The following GRIK1 variants were observed in gnomAD, a reference collection of about 807,000 sequenced individuals.
The protein encoded by GRIK1 is glutamate ionotropic receptor kainate type subunit 1.
In GRIK1, 69 loss-of-function variants were observed where a neutral mutation model predicts 105.7. The observed-to-expected ratio is 0.65, with a 90% CI of 0.54 to 0.80. GRIK1 has a LOEUF of 0.80. Ranked by LOEUF, GRIK1 falls within the 30% of genes least tolerant of loss-of-function variation. The probability of loss-of-function intolerance (pLI) is 0.00; values close to 1 mark genes in which losing one functional copy is unlikely to be tolerated. For missense variants in GRIK1, 1,109 were observed against 1,167.3 expected (o/e 0.95, Z 0.73); for synonymous variants, 438 against 431.3 (o/e 1.02, Z -0.19).
At chr21:29,898,967 C>T (rs1041830720) in intron 1 of GRIK1, among the ~76,000 whole-genome samples, 6 of 142,516 alleles carry the variant, frequency 4.2e-5, no homozygotes, top group East Asian at 2.0e-4. Flanking sequence ...AGTGAAACTC[C>T]GTCTCAAAAA....
intron 7 of GRIK1, among the ~76,000 whole-genome samples, chr21:29,619,029 G>A (rs1358231094): frequency 1.3e-5 from 2 of 151,758 alleles, no homozygotes; most frequent in East Asian, 3.9e-4. Context: ...GGGAGGCTGA[G>A]GCAGGAGAAA....
At chr21:29,787,866 C>T (rs932369129) in intron 1 of GRIK1, among the ~76,000 whole-genome samples, 2 of 152,300 alleles carry the variant, frequency 1.3e-5, no homozygotes, top group East Asian at 3.9e-4. Flanking sequence ...TGGAAATTGA[C>T]AACAGGGTTT....
At chr21:29,676,740 A>C (rs1290893795) in intron 3 of GRIK1, among the ~76,000 whole-genome samples, 1 of 152,090 alleles carries the variant, frequency 6.6e-6, no homozygotes, top group East Asian at 1.9e-4. Context: ...AACCAGACAA[A>C]CCCAATAGAG....
intron 1 of GRIK1, among the ~76,000 whole-genome samples, chr21:29,769,586 G>C (rs112501282): frequency 6.6e-6 from 1 of 152,014 alleles, no homozygotes; most frequent in African/African-American, 2.4e-5. Flanking sequence ...TAATGTCCCC[G>C]CTGATCTGAC....
At chr21:29,875,361 T>C (rs1483324089) in intron 1 of GRIK1, among the ~76,000 whole-genome samples, 1 of 152,168 alleles carries the variant, frequency 6.6e-6, no homozygotes, top group Non-Finnish European at 1.5e-5. Flanking sequence ...CATCCTAGGA[T>C]ATAAGGGAGA....
intron 1 of GRIK1, among the ~76,000 whole-genome samples, chr21:29,779,124 A>G (rs1368999822): frequency 6.6e-6 from 1 of 152,232 alleles, no homozygotes; most frequent in East Asian, 1.9e-4. Flanking sequence ...GAAAAGAAAC[A>G]GAAATGTTCT....
intron 1 of GRIK1, among the ~76,000 whole-genome samples, chr21:29,893,890 G>C (rs1442467461): frequency 6.6e-6 from 1 of 152,194 alleles, no homozygotes; most frequent in Non-Finnish European, 1.5e-5. Context: ...AGTCACTTGA[G>C]AGGTGGCAGG....
chr21:29,779,341 T>C (rs201787850), intron 1 of GRIK1, among the ~76,000 whole-genome samples: 1 of 21,378 alleles, frequency 4.7e-5, no homozygotes, highest in African/African-American at 7.2e-5. Context: ...AGTGAGTGTG[T>C]GTGTGTGTGT....
chr21:29,563,539 A>G (rs916291471), intron 14 of GRIK1, among the ~76,000 whole-genome samples: 10 of 152,174 alleles, frequency 6.6e-5, no homozygotes, highest in African/African-American at 2.4e-4. Flanking sequence ...TCATGTCCCC[A>G]TAACAAAGGC....
At chr21:29,825,258 T>C (rs541364878) in intron 1 of GRIK1, among the ~76,000 whole-genome samples, 98 of 152,128 alleles carry the variant, frequency 6.4e-4, no homozygotes, top group Non-Finnish European at 1.3e-3. Context: ...AAAAGCAGGA[T>C]GGGGGAAGAC....
intron 3 of GRIK1, among the ~76,000 whole-genome samples, chr21:29,686,798 G>A (rs1052775485): frequency 6.6e-6 from 1 of 152,196 alleles, no homozygotes; most frequent in Non-Finnish European, 1.5e-5. Flanking sequence ...GATTGGCTTT[G>A]AGAAGGCAGA....
intron 1 of GRIK1, among the ~76,000 whole-genome samples, chr21:29,856,358 A>T (rs1406678409): frequency 6.6e-6 from 1 of 152,154 alleles, no homozygotes; most frequent in Non-Finnish European, 1.5e-5. Context: ...TTATGTTGAA[A>T]ACTTTGAGGA....
intron 7 of GRIK1, among the ~76,000 whole-genome samples, chr21:29,640,025 C>T (rs1452646162): frequency 1.3e-5 from 2 of 152,096 alleles, no homozygotes; most frequent in East Asian, 1.9e-4. Context: ...GCACATGCAA[C>T]AACCTCTGCT....
intron 4 of GRIK1, among the ~76,000 whole-genome samples, chr21:29,668,710 G>A (rs573059379): frequency 1.4e-4 from 21 of 152,214 alleles, no homozygotes; most frequent in Non-Finnish European, 2.6e-4. Flanking sequence ...GGTACAAGTT[G>A]AGAATTCCAT....
intron 1 of GRIK1, among the ~76,000 whole-genome samples, chr21:29,925,215 A>C (rs990140275): frequency 3.9e-5 from 6 of 152,180 alleles, no homozygotes; most frequent in African/African-American, 1.4e-4. Context: ...TCACAGGATA[A>C]ATTTCTTGCA....
In GRIK1 at chr21:29,939,542, G is replaced by C. The variant is rs769988560; in HGVS notation, c.-42C>G. Reference sequence around the variant, plus strand: ...TTCATGCCGAGATACAGCCGCTGCCGGACGCCCGAGAGATGCACCCAACTT... The same window carrying C: ...TTCATGCCGAGATACAGCCGCTGCCCGACGCCCGAGAGATGCACCCAACTT... On this transcript the variant is annotated 5_prime_UTR_variant, in exon 1 of 18. Transcript: ENST00000327783. 1.5e-6 allele frequency: 2 copies of C among 1,317,492 alleles called. No individual in the cohort carries two copies. The highest frequency in any genetic ancestry group is 2.1e-5 in the Admixed American group (1 of 48,058). 81.6% of individuals were successfully genotyped at this position (1,317,492 alleles called of 1,614,324 possible).
intron 1 of GRIK1, among the ~76,000 whole-genome samples, chr21:29,788,640 T>C (rs543442126): frequency 1.2e-3 from 182 of 152,328 alleles, no homozygotes; most frequent in African/African-American, 4.2e-3. Flanking sequence ...CTATTATTAT[T>C]ACGTTGTAAT....
At chr21:29,799,326 C>T (rs2066642007) in intron 1 of GRIK1, among the ~76,000 whole-genome samples, 1 of 152,178 alleles carries the variant, frequency 6.6e-6, no homozygotes, top group Admixed American at 6.5e-5. Flanking sequence ...CGCTGTTATG[C>T]TATTCACGGA....
chr21:29,746,074 A>G (rs1337838169), intron 1 of GRIK1, among the ~76,000 whole-genome samples: 1 of 152,212 alleles, frequency 6.6e-6, no homozygotes, highest in East Asian at 1.9e-4. Flanking sequence ...ACTGCACTCC[A>G]GCCTGGGTGA....
Sources: allele counts gnomAD v4.1 joint callset (sites outside exome capture counted in the v4.1 genomes callset), GRCh38; gene constraint gnomAD v4.1.1; transcripts MANE v1.5; gene names NCBI Gene and HGNC (gene_info 2026-07-23, HGNC 2026-07-21).